PAX2: variants seen among roughly 807,000 people sequenced by gnomAD.
PAX2 encodes the protein paired box protein Pax-2.
A neutral mutation model predicts 41.7 loss-of-function variants in PAX2; 9 were observed. The observed-to-expected ratio is 0.22, with a 90% CI of 0.13 to 0.38. The LOEUF is 0.38. PAX2 is among the 10% of genes least tolerant of loss of function. The pLI, the probability that PAX2 is intolerant of heterozygous loss-of-function variation, is 1.00. For synonymous variants in PAX2, 221 were observed against 212.7 expected, an observed-to-expected ratio of 1.04 and a Z score of -0.34; for missense variants, 418 against 531.6, an observed-to-expected ratio of 0.79 and a Z score of 2.10.
intron 3 of PAX2, among the ~76,000 whole-genome samples, chr10:100,753,792 A>G (rs529338821): frequency 8.5e-5 from 13 of 152,212 alleles, no homozygotes; most frequent in Non-Finnish European, 1.6e-4. Context: ...CTCTTTAAAA[A>G]TGGTTTTGGC....
chr10:100,747,576 T>C (rs1020486591), intron 1 of PAX2: 10 of 980,216 alleles, frequency 1.0e-5, no homozygotes, highest in African/African-American at 1.8e-5. Context: ...AAGGAAACTT[T>C]AGACCCGGCT....
chr10:100,803,453 C>T (rs942420693), intron 5 of PAX2, among the ~76,000 whole-genome samples: 2 of 152,146 alleles, frequency 1.3e-5, no homozygotes, highest in South Asian at 4.2e-4. Context: ...GATGCCACCC[C>T]CTCCTCTGGA....
intron 3 of PAX2, among the ~76,000 whole-genome samples, chr10:100,757,335 T>C (rs1845670515): frequency 6.6e-6 from 1 of 152,204 alleles, no homozygotes; most frequent in Admixed American, 6.5e-5. Flanking sequence ...CTGGGCGAAG[T>C]GGCAGCAGCA....
intron 8 of PAX2, among the ~76,000 whole-genome samples, chr10:100,825,814 G>C (rs879598429): frequency 3.3e-5 from 5 of 152,120 alleles, no homozygotes; most frequent in Admixed American, 1.3e-4. Context: ...GGAGTTAGAG[G>C]TGTGGGTAAA....
intron 3 of PAX2, among the ~76,000 whole-genome samples, chr10:100,755,092 C>T (rs1845582428): frequency 1.3e-5 from 2 of 152,182 alleles, no homozygotes; most frequent in Admixed American, 1.3e-4. Context: ...AGAGACAGTC[C>T]CCTACTGTGA....
chr10:100,780,647 C>T (rs1385860549), intron 4 of PAX2, among the ~76,000 whole-genome samples: 1 of 152,132 alleles, frequency 6.6e-6, no homozygotes, highest in East Asian at 1.9e-4. Context: ...GATTTCAAGA[C>T]CAAAAGCAGC....
rs1425852939 is a variant in PAX2 at position 100,824,729 on chromosome 10, C to T, written c.1001C>T (p.Thr334Ile). 6.2e-7 allele frequency: 1 copy of T among 1,605,464 alleles called. No homozygotes were observed. Among genetic ancestry groups the T allele is most frequent in the Non-Finnish European group, 8.5e-7 (1 of 1,172,170 alleles). ...GGCCAGGGAAGCTACCCCACCTCCA[C>T]CCTGGCAGGAATGGTGCCTGGTAGG... ...PTGQGSYPTS[T>I]LAGMVPGSEF... The change falls in exon 8 of 10, where the codon ACC becomes ATC. Residue 334 changes from threonine to isoleucine, a missense_variant. Physicochemically the swap from Thr to Ile is moderately conservative, Grantham distance 89. Around this residue, in one of 2 missense-constraint regions of PAX2, gnomAD observed 310 missense variants for 325.2 expected, o/e 0.95. Transcript: ENST00000355243. The surrounding 1 kb of genome is among the most constrained non-coding windows in gnomAD (Gnocchi z 6.6).
chr10:100,751,833 G>GT (rs1845455097), intron 3 of PAX2, among the ~76,000 whole-genome samples: 1 of 152,132 alleles, frequency 6.6e-6, no homozygotes, highest in African/African-American at 2.4e-5. Context: ...ACTGACAGTT[G>GT]TTCACAGAGT....
intron 3 of PAX2, among the ~76,000 whole-genome samples, chr10:100,777,864 A>C (rs1311060054): frequency 2.6e-5 from 4 of 152,216 alleles, no homozygotes; most frequent in Non-Finnish European, 5.9e-5. Context: ...CAGTAAGTGG[A>C]AAATGGTGAT....
Position 100,746,313 on chromosome 10 carries a change from G to C in PAX2, c.43+10G>C, listed in dbSNP as rs4472867. The C allele has an allele frequency of 0.81, 1,278,577 of 1,576,532 alleles. 520,621 individuals carry two copies. Among genetic ancestry groups the C allele is most frequent in the East Asian group, 1 (44,664 of 44,694 alleles). On this transcript the variant is annotated intron_variant, in intron 1 of 9. Coordinates refer to ENST00000355243, the MANE Select transcript of PAX2 (RefSeq NM_000278.5). ...TTCTCCGCGATGCACCGTGAGTACC[G>C]GCGCCCGGCTCCTGTCCCGGCTCGG...
chr10:100,782,818 C>T (rs1327335910), intron 5 of PAX2, among the ~76,000 whole-genome samples: 2 of 152,270 alleles, frequency 1.3e-5, no homozygotes, highest in African/African-American at 4.8e-5. Context: ...AGTCCCAGTT[C>T]TCCCTGAGGC....
chr10:100,798,750 C>T (rs1474842376), intron 5 of PAX2, among the ~76,000 whole-genome samples: 1 of 152,146 alleles, frequency 6.6e-6, no homozygotes, highest in Non-Finnish European at 1.5e-5. Context: ...CCCACCCAAT[C>T]CATCAATCCT....
At chr10:100,779,170 C>T (rs1036484776) in intron 3 of PAX2, among the ~76,000 whole-genome samples, 1 of 152,228 alleles carries the variant, frequency 6.6e-6, no homozygotes, top group African/African-American at 2.4e-5. Flanking sequence ...GGGCAGTCCT[C>T]ACCCTGCAGA....
At position 100,827,025 on chromosome 10, in the gene PAX2, C is replaced by A; in HGVS notation, c.1038C>A (p.Gly346=). The A allele has an allele frequency of 6.2e-7, 1 of 1,613,478 alleles. No homozygotes were observed. Among genetic ancestry groups the A allele is most frequent in the Non-Finnish European group, 8.5e-7 (1 of 1,179,424 alleles). The change falls in exon 9 of 10, where the codon GGC becomes GGA. Residue 346 remains glycine, a synonymous_variant. Coordinates refer to ENST00000355243, the MANE Select transcript of PAX2 (RefSeq NM_000278.5). This position sits in a 1 kb window ranked among gnomAD's most constrained non-coding sequence, Gnocchi z 8.5. The part of the protein sequence containing the change: ...AGMVPGSEFS[G]NPYSHPQYTA... ...CTCCCGCAGGGAGCGAGTTCTCCGG[C>A]AACCCGTACAGCCACCCCCAGTACA...
intron 1 of PAX2, chr10:100,749,328 C>T (rs1589811220): frequency 3.0e-6 from 3 of 1,009,928 alleles, no homozygotes; most frequent in Non-Finnish European, 3.5e-6. Flanking sequence ...GGACAGCTCC[C>T]GGGTTGCCTG....
At chr10:100,805,023 T>TCTCTCTCTCTC (rs1847720204) in intron 5 of PAX2, among the ~76,000 whole-genome samples, 12 of 94,954 alleles carry the variant, frequency 1.3e-4, no homozygotes, top group African/African-American at 4.9e-4. Flanking sequence ...CTCTCTCACA[T>TCTCTCTCTCTC]ACACACACAC....
chr10:100,779,696 T>C, intron 4 of PAX2, 113 bp downstream of exon 4: 1 of 791,388 alleles, frequency 1.3e-6, no homozygotes. Flanking sequence ...CCCAACCTAT[T>C]TGCCAACTCC....
At chr10:100,764,417 C>T (rs1386584374) in intron 3 of PAX2, among the ~76,000 whole-genome samples, 1 of 152,140 alleles carries the variant, frequency 6.6e-6, no homozygotes, top group Non-Finnish European at 1.5e-5. Context: ...GCTGGGATTA[C>T]AGGCGTCAGC....
chr10:100,768,337 A>T (rs1846092809), intron 3 of PAX2, among the ~76,000 whole-genome samples: 1 of 152,366 alleles, frequency 6.6e-6, no homozygotes, highest in East Asian at 1.9e-4. Context: ...ATCTATATGT[A>T]GTATCATCCT....
Sources: gnomAD v4.1 joint callset for allele counts (sites outside exome capture counted in the v4.1 genomes callset) on GRCh38, gnomAD v4.1.1 for gene constraint, gnomAD v4.1.1 regional missense constraint, Gnocchi (gnomAD v3.1) non-coding constraint, MANE v1.5 for transcripts, NCBI Gene and HGNC (gene_info 2026-07-23, HGNC 2026-07-21) for gene names.